POLA1: variants seen among roughly 807,000 people sequenced by gnomAD.
The protein encoded by POLA1 is DNA polymerase alpha catalytic subunit.
A neutral mutation model predicts 124.0 loss-of-function variants in POLA1; 15 were observed. The observed-to-expected ratio is 0.12, with a 90% CI of 0.08 to 0.19. The LOEUF (loss-of-function observed/expected upper bound fraction) is 0.19, where lower values mean the gene tolerates loss of function less well. Ranked by LOEUF, POLA1 falls within the 10% of genes least tolerant of loss-of-function variation. POLA1 has a pLI of 1.00. For synonymous variants in POLA1, 408 were observed against 389.4 expected (o/e 1.05, Z -0.56); for missense variants, 886 against 1,103.4 (o/e 0.80, Z 2.79).
intron 22 of POLA1, among the ~76,000 whole-genome samples, chrX:24,742,514 AG>A (rs1931732642): frequency 1.8e-5 from 2 of 112,295 alleles, no homozygotes; most frequent in Admixed American, 1.9e-4. Context: ...AGTATGACCA[AG>A]GTCACCCACA....
At chrX:24,987,524 T>C (rs2048492450) in intron 36 of POLA1, among the ~76,000 whole-genome samples, 1 of 112,316 alleles carries the variant, frequency 8.9e-6, no homozygotes, top group Admixed American at 9.4e-5. Context: ...CAGATACTTG[T>C]TTACTGATCC....
intron 36 of POLA1, among the ~76,000 whole-genome samples, chrX:24,933,285 A>G (rs1257183402): frequency 1.8e-5 from 2 of 112,108 alleles, no homozygotes; most frequent in Non-Finnish European, 3.8e-5. Flanking sequence ...GGAAAACACC[A>G]TAAGTTTAAA....
chrX:24,937,801 T>C (rs1054930589), intron 36 of POLA1, among the ~76,000 whole-genome samples: 2 of 112,468 alleles, frequency 1.8e-5, no homozygotes, highest in African/African-American at 6.5e-5. Context: ...ACACTCTCCC[T>C]TAATAACTAA....
rs776639313 is a variant in POLA1 at position 24,957,894 on chromosome X, G to T, written c.4261+27345G>T. Among the ~76,000 whole-genome samples, 38 of 110,363 alleles carry T rather than the reference G, an allele frequency of 3.4e-4. 1 individual carries two copies. In the South Asian group the frequency reaches 0.015, roughly 43 times the overall value. On this transcript the variant is annotated intron_variant, in intron 36 of 36. Transcript: ENST00000379068. ...AAAGTAGTTGGAAGATTTTAGTCATGGTAGTCCTGCGTCTTGGTGGGAGAG... is the reference window on the plus strand; with the variant it reads ...AAAGTAGTTGGAAGATTTTAGTCATTGTAGTCCTGCGTCTTGGTGGGAGAG...
At chrX:24,755,005 CAG>C (rs762351514) in intron 26 of POLA1, among the ~76,000 whole-genome samples, 2 of 112,582 alleles carry the variant, frequency 1.8e-5, no homozygotes, top group East Asian at 5.5e-4. Flanking sequence ...CTGTTACAAA[CAG>C]TACTGAAGTA....
chrX:24,843,431 A>G (rs2046434461), intron 33 of POLA1, 115 bp from the exon 34 acceptor site: 2 of 470,198 alleles, frequency 4.3e-6, no homozygotes, highest in South Asian at 5.7e-5. Context: ...TTAACAACTC[A>G]CCAATAAAAC....
chrX:24,931,393 C>A (rs531933887), intron 36 of POLA1, among the ~76,000 whole-genome samples: 3 of 111,783 alleles, frequency 2.7e-5, no homozygotes, highest in East Asian at 5.6e-4. Context: ...GCTAGATTTC[C>A]CCGCATAAGA....
intron 34 of POLA1, among the ~76,000 whole-genome samples, chrX:24,863,027 C>T (rs182885249): frequency 1.6e-3 from 184 of 111,974 alleles, no homozygotes; most frequent in Non-Finnish European, 2.3e-3. Context: ...ATTTTAAACT[C>T]TGAAAATTTT....
chrX:24,789,267 T>G (rs778722504), intron 26 of POLA1, among the ~76,000 whole-genome samples: 6 of 111,832 alleles, frequency 5.4e-5, no homozygotes, highest in Non-Finnish European at 1.1e-4. Flanking sequence ...ACCCTAAGGA[T>G]TCCACCAAAG....
intron 34 of POLA1, among the ~76,000 whole-genome samples, chrX:24,879,228 G>C (rs1266761085): frequency 2.7e-5 from 3 of 111,098 alleles, no homozygotes; most frequent in Non-Finnish European, 5.7e-5. Flanking sequence ...ATAAGCACCA[G>C]AGTAACCATT....
intron 34 of POLA1, among the ~76,000 whole-genome samples, chrX:24,856,210 C>T (rs912620096): frequency 8.9e-6 from 1 of 112,058 alleles, no homozygotes; most frequent in Non-Finnish European, 1.9e-5. Context: ...AGCACACCCT[C>T]CTTCCCACTC....
intron 30 of POLA1, among the ~76,000 whole-genome samples, chrX:24,820,796 C>T (rs1289089522): frequency 9.2e-6 from 1 of 108,926 alleles, no homozygotes; most frequent in African/African-American, 3.4e-5. Flanking sequence ...TCCTGTGGTA[C>T]TTTATAATAC....
At chrX:24,847,178 T>G (rs996873383) in intron 34 of POLA1, among the ~76,000 whole-genome samples, 1 of 111,660 alleles carries the variant, frequency 9.0e-6, no homozygotes, top group Non-Finnish European at 1.9e-5. Context: ...AGCTGGCCTA[T>G]CCTGATGACT....
chrX:24,788,730 C>T (rs1306043554), intron 26 of POLA1: 2 of 1,205,103 alleles, frequency 1.7e-6, no homozygotes, highest in Admixed American at 4.4e-5. Context: ...CTCTTTGCTT[C>T]TTCACTTTCC....
At chrX:24,991,586 C>A (rs995497687) in intron 36 of POLA1, among the ~76,000 whole-genome samples, 5 of 112,446 alleles carry the variant, frequency 4.4e-5, no homozygotes, top group Admixed American at 9.4e-5. Context: ...GGTCACTGTT[C>A]ACCACCACCA....
At chrX:24,917,827 C>G (rs146776288) in intron 35 of POLA1, among the ~76,000 whole-genome samples, 1 of 111,792 alleles carries the variant, frequency 8.9e-6, no homozygotes, top group East Asian at 2.8e-4. Flanking sequence ...AGAATTAAGT[C>G]TTAATGAAAT....
chrX:24,791,450 G>A (rs1382747376), intron 26 of POLA1, among the ~76,000 whole-genome samples: 2 of 112,669 alleles, frequency 1.8e-5, no homozygotes, highest in African/African-American at 6.4e-5. Context: ...GCAATGGCAC[G>A]ATCTTGGCTC....
intron 31 of POLA1, among the ~76,000 whole-genome samples, chrX:24,824,460 CTTT>C (rs781633550): frequency 6.0e-5 from 4 of 67,097 alleles, no homozygotes; most frequent in Non-Finnish European, 5.7e-5. Context: ...GCCTGGCTAA[CTTT>C]TTTTTTTTTT....
intron 18 of POLA1, among the ~76,000 whole-genome samples, chrX:24,735,967 G>GAATT (rs1931248292): frequency 9.0e-6 from 1 of 111,372 alleles, no homozygotes; most frequent in Non-Finnish European, 1.9e-5. Flanking sequence ...ATCCCCACTA[G>GAATT]ATAGCTTGAG....
Sources: gnomAD v4.1 joint callset for allele counts (sites outside exome capture counted in the v4.1 genomes callset) on GRCh38, gnomAD v4.1.1 for gene constraint, MANE v1.5 for transcripts, NCBI Gene and HGNC (gene_info 2026-07-23, HGNC 2026-07-21) for gene names.